Variants in NELL1 observed in about 807,000 individuals in gnomAD.
NELL1 encodes neural EGFL like 1.
In NELL1, 76 loss-of-function variants were observed where a neutral mutation model predicts 107.4. That is an observed-to-expected ratio of 0.71 (90% CI 0.59 to 0.86). The LOEUF (loss-of-function observed/expected upper bound fraction) is 0.86. Ranked by LOEUF, NELL1 falls within the 40% of genes least tolerant of loss-of-function variation. The pLI is 0.00. For missense variants in NELL1, 1,024 were observed against 1,005.5 expected, an observed-to-expected ratio of 1.02 and a Z score of -0.25; for synonymous variants, 353 against 341.2, an observed-to-expected ratio of 1.03 and a Z score of -0.38.
intron 2 of NELL1, among the ~76,000 whole-genome samples, chr11:20,778,960 T>C (rs79947873): frequency 1.3e-5 from 2 of 151,664 alleles, no homozygotes; most frequent in African/African-American, 2.4e-5. Flanking sequence ...CTGTTTTTTT[T>C]CTCTCTCTCT....
intron 5 of NELL1, among the ~76,000 whole-genome samples, chr11:20,917,317 A>G (rs1564965557): frequency 6.6e-6 from 1 of 151,864 alleles, no homozygotes. Context: ...TCCAATTAAT[A>G]TTTTTTTCTT....
At chr11:20,935,427 C>T (rs77965276) in intron 9 of NELL1, among the ~76,000 whole-genome samples, 1,661 of 151,972 alleles carry the variant, frequency 0.011, 35 homozygotes, top group African/African-American at 0.038. Flanking sequence ...ATGTAAGGCC[C>T]GGAAGTGAGA....
chr11:20,966,235 T>C (rs1402811046), intron 12 of NELL1, among the ~76,000 whole-genome samples: 2 of 152,126 alleles, frequency 1.3e-5, no homozygotes, highest in African/African-American at 2.4e-5. Flanking sequence ...GTGAGGGCCC[T>C]TTTGATTCAT....
At chr11:21,294,070 G>A (rs1209665827) in intron 14 of NELL1, among the ~76,000 whole-genome samples, 1 of 152,122 alleles carries the variant, frequency 6.6e-6, no homozygotes, top group African/African-American at 2.4e-5. Context: ...AGCACTTAAA[G>A]TATAATTTAA....
At chr11:21,304,886 G>T in intron 14 of NELL1, among the ~76,000 whole-genome samples, 1 of 151,958 alleles carries the variant, frequency 6.6e-6, no homozygotes. Flanking sequence ...GGAGTGGGAG[G>T]AGAAGATAGG....
chr11:20,915,889 C>A (rs933046443), intron 5 of NELL1, among the ~76,000 whole-genome samples: 1 of 150,944 alleles, frequency 6.6e-6, no homozygotes, highest in Non-Finnish European at 1.5e-5. Flanking sequence ...TAATGCCAGA[C>A]CTTCTGATTC....
At chr11:20,679,321 C>A (rs1854136402) in intron 2 of NELL1, among the ~76,000 whole-genome samples, 1 of 152,162 alleles carries the variant, frequency 6.6e-6, no homozygotes, top group Non-Finnish European at 1.5e-5. Context: ...AGTAAGGCAG[C>A]CTGGATATTC....
intron 3 of NELL1, among the ~76,000 whole-genome samples, chr11:20,822,938 G>A (rs752356431): frequency 3.3e-5 from 5 of 152,210 alleles, no homozygotes; most frequent in Non-Finnish European, 7.3e-5. Flanking sequence ...GTTTGCAGTG[G>A]GGAGCATGAG....
intron 2 of NELL1, among the ~76,000 whole-genome samples, chr11:20,729,869 G>C (rs1169904857): frequency 6.6e-6 from 1 of 152,150 alleles, no homozygotes; most frequent in Admixed American, 6.5e-5. Context: ...CCAATGGGGA[G>C]GAAATTGGAT....
chr11:21,175,684 C>T (rs918373285), intron 13 of NELL1, among the ~76,000 whole-genome samples: 1 of 151,792 alleles, frequency 6.6e-6, no homozygotes, highest in African/African-American at 2.4e-5. Flanking sequence ...TTGGCAGCTC[C>T]GATGCTACAG....
chr11:20,738,418 G>A (rs1329600128), intron 2 of NELL1, among the ~76,000 whole-genome samples: 1 of 152,144 alleles, frequency 6.6e-6, no homozygotes, highest in East Asian at 1.9e-4. Flanking sequence ...TGCAGATGAT[G>A]GGGAATCACT....
chr11:21,348,384 G>A (rs1270535693), intron 14 of NELL1, among the ~76,000 whole-genome samples: 1 of 152,168 alleles, frequency 6.6e-6, no homozygotes, highest in African/African-American at 2.4e-5. Flanking sequence ...CTCTAGGGGA[G>A]ATACAGAAAT....
intron 2 of NELL1, among the ~76,000 whole-genome samples, chr11:20,727,325 A>G (rs896874025): frequency 2.0e-5 from 3 of 152,032 alleles, no homozygotes; most frequent in African/African-American, 7.3e-5. Flanking sequence ...TGTGGTTTTG[A>G]TTTGCATTTC....
At chr11:20,885,770 C>T (rs1849496827) in intron 5 of NELL1, among the ~76,000 whole-genome samples, 1 of 152,136 alleles carries the variant, frequency 6.6e-6, no homozygotes, top group Admixed American at 6.5e-5. Context: ...TGAAACCAGG[C>T]AGAGAGTTAA....
chr11:21,573,061 C>A, intron 18 of NELL1, 124 bp from the exon 19 acceptor site: 1 of 722,850 alleles, frequency 1.4e-6, no homozygotes, highest in Non-Finnish European at 2.3e-6. Flanking sequence ...ACTTTATCCT[C>A]AATGGTGTCA....
chr11:21,565,488 T>C (rs1214309329), intron 17 of NELL1, among the ~76,000 whole-genome samples: 2 of 151,922 alleles, frequency 1.3e-5, no homozygotes, highest in East Asian at 3.9e-4. Flanking sequence ...CTCAGTATTT[T>C]CTGGTTCAGT....
chr11:21,523,152 C>T (rs888417114), intron 15 of NELL1, among the ~76,000 whole-genome samples: 5 of 151,992 alleles, frequency 3.3e-5, no homozygotes, highest in Admixed American at 6.6e-5. Flanking sequence ...CGGCTGAATC[C>T]TGTTTTTTTC....
intron 15 of NELL1, among the ~76,000 whole-genome samples, chr11:21,418,137 A>T (rs1158147786): frequency 6.6e-6 from 1 of 152,066 alleles, no homozygotes; most frequent in African/African-American, 2.4e-5. Flanking sequence ...TTTACTGAAC[A>T]CTGGCTTATG....
intron 12 of NELL1, among the ~76,000 whole-genome samples, chr11:21,044,225 A>G (rs1853304125): frequency 2.0e-5 from 3 of 152,150 alleles, no homozygotes; most frequent in Admixed American, 1.3e-4. Context: ...AAGGGATTTT[A>G]AGAAGGAGGA....
Sources: gnomAD v4.1 joint callset for allele counts (sites outside exome capture counted in the v4.1 genomes callset) on GRCh38, gnomAD v4.1.1 for gene constraint, MANE v1.5 for transcripts, NCBI Gene and HGNC (gene_info 2026-07-23, HGNC 2026-07-21) for gene names.